The following VCL variants were observed in gnomAD, a reference collection of about 807,000 sequenced individuals.
VCL encodes vinculin, also known as epididymis luminal protein 114.
Under a neutral mutation model 125.7 loss-of-function variants are expected in VCL, and 47 were observed. That is an observed-to-expected ratio of 0.37 (90% CI 0.30 to 0.48). VCL has a LOEUF of 0.48. Ranked by LOEUF, VCL falls within the 20% of genes least tolerant of loss-of-function variation. VCL has a pLI of 0.99. For missense variants in VCL, 1,069 were observed against 1,455.5 expected (o/e 0.73, Z 4.32); for synonymous variants, 458 against 514.6 (o/e 0.89, Z 1.49).
At chr10:74,068,149 A>C (rs1398183743) in intron 2 of VCL, among the ~76,000 whole-genome samples, 1 of 152,206 alleles carries the variant, frequency 6.6e-6, no homozygotes, top group Non-Finnish European at 1.5e-5. Flanking sequence ...ACATATGCAT[A>C]CCTTTGACTC....
chr10:74,005,526 G>C (rs999940308), intron 1 of VCL, among the ~76,000 whole-genome samples: 4 of 152,212 alleles, frequency 2.6e-5, no homozygotes, highest in African/African-American at 9.6e-5. Context: ...AAAGTGCTGG[G>C]ATTACAGGTG....
intron 9 of VCL, 123 bp downstream of exon 9, chr10:74,089,472 T>A (rs1490311193): frequency 2.5e-5 from 36 of 1,434,902 alleles, no homozygotes; most frequent in Non-Finnish European, 3.4e-5. Context: ...TTCTAAGTGA[T>A]GAGTGACTTC....
At chr10:74,022,537 C>T (rs999361468) in intron 1 of VCL, among the ~76,000 whole-genome samples, 2 of 151,138 alleles carry the variant, frequency 1.3e-5, no homozygotes, top group African/African-American at 4.9e-5. Flanking sequence ...CAGAGCGAGA[C>T]TCCGTCTCAA....
chr10:74,011,069 G>T (rs574978064), intron 1 of VCL, among the ~76,000 whole-genome samples: 2 of 151,810 alleles, frequency 1.3e-5, no homozygotes, highest in East Asian at 1.9e-4. Flanking sequence ...TACATGGGAG[G>T]CTGAGGCAGG....
chr10:74,013,161 G>A (rs118123696), intron 1 of VCL, among the ~76,000 whole-genome samples: 4 of 152,186 alleles, frequency 2.6e-5, no homozygotes, highest in East Asian at 3.9e-4. Context: ...TTTCTGCTGC[G>A]ATCAAAAACT....
intron 2 of VCL, among the ~76,000 whole-genome samples, chr10:74,045,622 C>A (rs75005877): frequency 0.029 from 2,684 of 91,530 alleles, no homozygotes; most frequent in East Asian, 0.05. Context: ...GACTCTGTCT[C>A]AAAAAAAAAA....
At chr10:74,100,167 A>G (rs1840028889) in intron 13 of VCL, among the ~76,000 whole-genome samples, 1 of 152,230 alleles carries the variant, frequency 6.6e-6, no homozygotes, top group African/African-American at 2.4e-5. Flanking sequence ...CTTATCTTCT[A>G]GTTTGAAGAA....
At chr10:74,043,853 A>G (rs564785557) in intron 2 of VCL, among the ~76,000 whole-genome samples, 1 of 151,446 alleles carries the variant, frequency 6.6e-6, no homozygotes, top group East Asian at 2.0e-4. Context: ...CATGCCTGTC[A>G]TCCCAGCACT....
At chr10:74,114,098 CCCT>C (rs1840273021) in intron 19 of VCL, 83 bp from the exon 20 acceptor site, 4 of 1,531,720 alleles carry the variant, frequency 2.6e-6, no homozygotes, top group Non-Finnish European at 3.6e-6. Context: ...GTGGCAAGCT[CCCT>C]CCTCTTCTCT....
intron 14 of VCL, 131 bp downstream of exon 14, chr10:74,101,228 A>G (rs1840049332): frequency 3.8e-6 from 5 of 1,319,550 alleles, no homozygotes; most frequent in Non-Finnish European, 3.1e-6. Flanking sequence ...GGTAGCACCT[A>G]TAATTCCGGC....
rs8255 is a variant in VCL, at chr10:74,119,992, G to A, written c.*1823G>A. The A allele has an allele frequency of 0.2, 27,616 of 141,458 alleles. 3,154 individuals carry two copies. The highest frequency in any genetic ancestry group is 0.34 in the African/African-American group (13,091 of 38,546). The allele number at this position is 141,458 out of a possible 1,614,324, so 8.8% of individuals were successfully genotyped here. ...GTGCTTTTCTCCAATATCAGTGCTC[G>A]AGACACAGTGAAGCAAATTAAAAAA... On this transcript the variant is annotated 3_prime_UTR_variant, in exon 22 of 22. Transcript: ENST00000211998.
In VCL at chr10:74,112,116, C is replaced by T. The variant is rs751876984; in HGVS notation, c.2949+4C>T. The T allele has an allele frequency of 1.2e-6, 2 of 1,614,208 alleles. No individual in the cohort carries two copies. Among genetic ancestry groups the T allele is most frequent in the Admixed American group, 1.7e-5 (1 of 60,024 alleles). ...AGCTACCAAGTGGTCTAGTAAGGTA[C>T]TGATAAGCACCCCCAGTTGGGGGCT... On this transcript the variant is annotated splice_donor_region_variant and intron_variant, in intron 19 of 21. Transcript: ENST00000211998.
In VCL at chr10:74,114,875, C is replaced by A. The variant is rs933546041; in HGVS notation, c.3234C>A (p.Asn1078Lys). The A allele has an allele frequency of 6.2e-7, 1 of 1,600,866 alleles. No homozygotes were observed. The change falls in exon 21 of 22, where the codon AAC becomes AAA. Residue 1078 changes from asparagine to lysine, a missense_variant. Physicochemically the swap from Asn to Lys is moderately conservative, Grantham distance 94. This residue lies in a region of VCL where 91 missense variants were observed against 203.9 expected (regional missense o/e 0.45). Coordinates refer to ENST00000211998, the MANE Select transcript of VCL (RefSeq NM_014000.3). The part of the protein sequence containing the change: ...TVKATMLGRT[N>K]ISDEESEQAT... The stretch of plus-strand genomic sequence containing the variant: ...AGGCCACCATGCTGGGCCGGACCAA[C>A]ATCAGTGATGAGGAGTCTGAGCAGG...
chr10:74,024,028 GGA>G (rs1840723837), intron 1 of VCL, among the ~76,000 whole-genome samples: 1 of 152,108 alleles, frequency 6.6e-6, no homozygotes, highest in South Asian at 2.1e-4. Context: ...GTGTAACTTT[GGA>G]AGTACAGATA....
At chr10:74,031,393 C>T (rs1211783879) in intron 1 of VCL, among the ~76,000 whole-genome samples, 1 of 152,112 alleles carries the variant, frequency 6.6e-6, no homozygotes, top group Non-Finnish European at 1.5e-5. Flanking sequence ...TATCAGTATG[C>T]TTGGTTTTCT....
At chr10:74,111,063 T>G (rs1389637689) in intron 18 of VCL, among the ~76,000 whole-genome samples, 1 of 152,116 alleles carries the variant, frequency 6.6e-6, no homozygotes, top group African/African-American at 2.4e-5. Flanking sequence ...TGCAAGCAAT[T>G]TAGGTTGTAC....
intron 1 of VCL, among the ~76,000 whole-genome samples, chr10:74,042,792 T>C (rs1182813486): frequency 1.3e-5 from 2 of 152,226 alleles, no homozygotes; most frequent in East Asian, 1.9e-4. Flanking sequence ...CACACACTTA[T>C]ATTCTCAATG....
chr10:74,065,533 T>C (rs1272945868), intron 2 of VCL, among the ~76,000 whole-genome samples: 1 of 151,708 alleles, frequency 6.6e-6, no homozygotes, highest in Admixed American at 6.6e-5. Context: ...CTACAAAAAA[T>C]AAACATAATT....
rs545539526 is a variant in VCL, at chr10:74,091,791, C to CAAAA, written c.1352+1613_1352+1616dup. ...GTGACAGAGTGAGACTCTGTCTCAG[C>CAAAA]AAAAAAAAAAAAAAAAAAAAAAAGA... On this transcript the variant is annotated intron_variant, in intron 10 of 21. Coordinates refer to ENST00000211998, the MANE Select transcript of VCL (RefSeq NM_014000.3). 2.2e-3 allele frequency among the ~76,000 whole-genome samples: 137 copies of CAAAA among 61,144 alleles called. 2 individuals are homozygous for CAAAA. Among genetic ancestry groups the CAAAA allele is most frequent in the Non-Finnish European group, 3.2e-3 (107 of 33,228 alleles). The allele number at this position is 61,144 out of a possible 152,430, so 40.1% of individuals were successfully genotyped here.
Sources: gnomAD v4.1 joint callset for allele counts (sites outside exome capture counted in the v4.1 genomes callset) on GRCh38, gnomAD v4.1.1 for gene constraint, gnomAD v4.1.1 regional missense constraint, MANE v1.5 for transcripts, NCBI Gene and HGNC (gene_info 2026-07-23, HGNC 2026-07-21) for gene names.